Variants in KHDRBS2 observed in about 807,000 individuals in gnomAD.
KHDRBS2 encodes KH domain-containing, RNA-binding, signal transduction-associated protein 2.
In KHDRBS2, 26 loss-of-function variants were observed where a neutral mutation model predicts 44.3. That is an observed-to-expected ratio of 0.59 (90% confidence interval 0.43 to 0.81). KHDRBS2 has a LOEUF of 0.81. KHDRBS2 is among the 40% of genes least tolerant of loss of function. The probability of loss-of-function intolerance (pLI) is 0.00; values close to 1 mark genes in which losing one functional copy is unlikely to be tolerated. For synonymous variants in KHDRBS2, 194 were observed against 151.1 expected, an observed-to-expected ratio of 1.28 and a Z score of -2.08; for missense variants, 476 against 433.1, an observed-to-expected ratio of 1.10 and a Z score of -0.88.
intron 6 of KHDRBS2, among the ~76,000 whole-genome samples, chr6:61,840,744 A>G (rs1793480822): frequency 6.6e-6 from 1 of 152,134 alleles, no homozygotes; most frequent in Non-Finnish European, 1.5e-5. Context: ...TTGCATCCCA[A>G]CTGAGCTCAT....
At chr6:61,829,834 A>C (rs1791512016) in intron 6 of KHDRBS2, among the ~76,000 whole-genome samples, 1 of 152,174 alleles carries the variant, frequency 6.6e-6, no homozygotes, top group Non-Finnish European at 1.5e-5. Flanking sequence ...GGACCCAGAG[A>C]GAACACATCG....
At chr6:61,974,923 T>G (rs940800204) in intron 4 of KHDRBS2, among the ~76,000 whole-genome samples, 3 of 141,760 alleles carry the variant, frequency 2.1e-5, no homozygotes, top group Non-Finnish European at 3.0e-5. Context: ...ATAGCAAGAC[T>G]CCATCTTAAA....
chr6:61,971,726 T>C (rs1455895756), intron 4 of KHDRBS2, among the ~76,000 whole-genome samples: 2 of 152,218 alleles, frequency 1.3e-5, no homozygotes, highest in South Asian at 2.1e-4. Flanking sequence ...TTGCCAGCAA[T>C]TGATTTTCGT....
chr6:62,077,485 G>T (rs1273958023), intron 2 of KHDRBS2, among the ~76,000 whole-genome samples: 2 of 152,012 alleles, frequency 1.3e-5, no homozygotes, highest in Non-Finnish European at 2.9e-5. Context: ...CCTCTGTGAT[G>T]ACTTCTTTAT....
At chr6:61,841,925 CAT>C (rs1292820393) in intron 6 of KHDRBS2, among the ~76,000 whole-genome samples, 1 of 152,156 alleles carries the variant, frequency 6.6e-6, no homozygotes, top group Non-Finnish European at 1.5e-5. Flanking sequence ...CAGAGGCAAT[CAT>C]TAGCTAATTT....
intron 6 of KHDRBS2, among the ~76,000 whole-genome samples, chr6:61,826,645 G>A (rs977073738): frequency 2.0e-5 from 3 of 152,002 alleles, no homozygotes; most frequent in Non-Finnish European, 4.4e-5. Context: ...GGTAGTATTC[G>A]TTAATTAGTT....
At chr6:62,133,003 G>C (rs1317553406) in intron 2 of KHDRBS2, among the ~76,000 whole-genome samples, 2 of 152,210 alleles carry the variant, frequency 1.3e-5, no homozygotes, top group African/African-American at 4.8e-5. Context: ...TTCAGACCAT[G>C]TGGTCTCTTG....
At chr6:61,996,014 C>T (rs780896974) in intron 3 of KHDRBS2, among the ~76,000 whole-genome samples, 175 of 152,224 alleles carry the variant, frequency 1.1e-3, no homozygotes, top group Non-Finnish European at 6.6e-4. Context: ...TCTAATAACA[C>T]TGGTGAAAAA....
intron 4 of KHDRBS2, among the ~76,000 whole-genome samples, chr6:61,954,029 C>A (rs1765354229): frequency 6.6e-6 from 1 of 152,100 alleles, no homozygotes; most frequent in South Asian, 2.1e-4. Flanking sequence ...GACATCAGGA[C>A]AATGTTGCCA....
intron 2 of KHDRBS2, among the ~76,000 whole-genome samples, chr6:62,157,244 A>C (rs545450389): frequency 2.0e-5 from 3 of 151,424 alleles, no homozygotes; most frequent in Non-Finnish European, 2.9e-5. Context: ...AATCCCTTGA[A>C]CCCAGGAGGG....
intron 7 of KHDRBS2, among the ~76,000 whole-genome samples, chr6:61,704,809 T>A (rs1223091019): frequency 1.3e-5 from 2 of 151,884 alleles, no homozygotes; most frequent in Non-Finnish European, 2.9e-5. Context: ...AGCAAATCAT[T>A]GTAGTATGAA....
intron 3 of KHDRBS2, among the ~76,000 whole-genome samples, chr6:62,007,781 CA>C (rs1490566414): frequency 1.3e-5 from 2 of 151,774 alleles, no homozygotes; most frequent in African/African-American, 4.8e-5. Flanking sequence ...TACCATAAGT[CA>C]AAAAAACCCC....
chr6:61,936,418 T>G (rs1400821279), intron 4 of KHDRBS2, among the ~76,000 whole-genome samples: 1 of 152,062 alleles, frequency 6.6e-6, no homozygotes, highest in Non-Finnish European at 1.5e-5. Context: ...TACTTTGAAC[T>G]GTCATCCATT....
intron 4 of KHDRBS2, among the ~76,000 whole-genome samples, chr6:61,959,784 T>C (rs1420885321): frequency 2.0e-5 from 3 of 152,140 alleles, no homozygotes; most frequent in African/African-American, 7.2e-5. Context: ...GGCAGCCATA[T>C]TCATAGAAAA....
At chr6:61,969,818 TTC>T (rs1335076808) in intron 4 of KHDRBS2, among the ~76,000 whole-genome samples, 2 of 152,030 alleles carry the variant, frequency 1.3e-5, no homozygotes, top group Non-Finnish European at 2.9e-5. Context: ...TCAAATTTTA[TTC>T]TGACTTAAAT....
At chr6:61,585,176 G>A in the KHDRBS2 span, among the ~76,000 whole-genome samples, 2 of 151,612 alleles carry the variant, frequency 1.3e-5, no homozygotes, top group African/African-American at 4.8e-5. Context: ...TTTGTGCCTA[G>A]GACCATCTTT....
At chr6:61,899,733 G>GCGC (rs71549800) in intron 5 of KHDRBS2, among the ~76,000 whole-genome samples, 4 of 123,232 alleles carry the variant, frequency 3.2e-5, no homozygotes, top group African/African-American at 1.2e-4. Flanking sequence ...TTGTTTTAAT[G>GCGC]CCCCCCCCCC....
the KHDRBS2 span, among the ~76,000 whole-genome samples, chr6:61,641,039 T>C: frequency 2.0e-4 from 30 of 152,286 alleles, no homozygotes; most frequent in African/African-American, 6.5e-4. Context: ...ATCTAAGTTA[T>C]ATTCTTGTGT....
the KHDRBS2 span, among the ~76,000 whole-genome samples, chr6:61,569,497 A>G: frequency 6.6e-6 from 1 of 152,162 alleles, no homozygotes; most frequent in African/African-American, 2.4e-5. Flanking sequence ...CATTATAGCA[A>G]CTCATGACAG....
Sources: gnomAD v4.1 joint callset for allele counts (sites outside exome capture counted in the v4.1 genomes callset) on GRCh38, gnomAD v4.1.1 for gene constraint, MANE v1.5 for transcripts, NCBI Gene and HGNC (gene_info 2026-07-23, HGNC 2026-07-21) for gene names.